The following DOCK1 variants were observed in gnomAD, a reference collection of about 807,000 sequenced individuals.
DOCK1 encodes dedicator of cytokinesis protein 1.
Under a neutral mutation model 262.7 loss-of-function variants are expected in DOCK1, and 138 were observed. That is an observed-to-expected ratio of 0.53 (90% CI 0.46 to 0.61). DOCK1 has a LOEUF of 0.61. Ranked by LOEUF, DOCK1 falls within the 20% of genes least tolerant of loss-of-function variation. The pLI is 0.00. For missense variants in DOCK1, 1,908 were observed against 2,370.7 expected, an observed-to-expected ratio of 0.80 and a Z score of 4.05; for synonymous variants, 866 against 867.4, an observed-to-expected ratio of 1.00 and a Z score of 0.03.
intron 29 of DOCK1, among the ~76,000 whole-genome samples, chr10:127,317,251 C>T (rs977595538): frequency 3.3e-5 from 5 of 152,326 alleles, no homozygotes; most frequent in African/African-American, 1.2e-4. Context: ...CAGCCCTGGC[C>T]TTTTCGAGTC....
At position 126,905,512 on chromosome 10, in the gene DOCK1, G is replaced by T; in HGVS notation, c.-6G>T. 1 of 536,704 alleles carries T rather than the reference G, an allele frequency of 1.9e-6. No homozygotes were observed. The highest frequency in any genetic ancestry group is 3.6e-5 in the East Asian group (1 of 28,086). 33.2% of individuals were successfully genotyped at this position (536,704 alleles called of 1,614,324 possible). A position where few individuals can be genotyped will look rare whatever the true frequency, so the allele number is the denominator to read the frequency against. ...CTGCCCGACCCGCGGCGGCTCCGGC[G>T]GCGCCATGACGCGCTGGGTGCCCAC... On this transcript the variant is annotated 5_prime_UTR_variant, in exon 1 of 52. Coordinates refer to ENST00000623213, the MANE Select transcript of DOCK1 (RefSeq NM_001290223.2).
chr10:127,452,328 A>ACAT lies in DOCK1; in HGVS notation c.*901_*902insCAT, dbSNP rs397789820. 2.0e-4 allele frequency: 30 copies of ACAT among 147,634 alleles called. No homozygotes were observed. Among genetic ancestry groups the ACAT allele is most frequent in the African/African-American group, 4.7e-4 (19 of 40,370 alleles). The allele number at this position is 147,634 out of a possible 1,614,324, so 9.1% of individuals were successfully genotyped here. ...AAAACACACACACACACACACACAC[A>ACAT]TTTTTTTTTTGAGAACTCCAAAGTC... On this transcript the variant is annotated 3_prime_UTR_variant, in exon 52 of 52. Transcript: ENST00000623213.
Position 127,257,340 on chromosome 10 carries a change from C to A in DOCK1, c.2955C>A (p.Phe985Leu). 1 of 1,590,220 alleles carries A rather than the reference C, an allele frequency of 6.3e-7. No individual in the cohort carries two copies. The stretch of plus-strand genomic sequence containing the variant: ...GTTTTGTTTTTTTATTTCAGGATTT[C>A]CTAATGGAAACATTCATCATGTTTA... Reference protein sequence around the residue: ...FGKMRTDVVDFLMETFIMFKN... With the variant: ...FGKMRTDVVDLLMETFIMFKN... The change falls in exon 29 of 52, where the codon TTC (phenylalanine) becomes TTA (leucine). Residue 985 changes from phenylalanine (F) to leucine (L), a missense_variant. By Grantham distance (22) the Phe-to-Leu change is conservative. Transcript: ENST00000623213.
intron 27 of DOCK1, among the ~76,000 whole-genome samples, chr10:127,169,099 C>CT (rs2054335648): frequency 6.6e-6 from 1 of 152,152 alleles, no homozygotes; most frequent in Admixed American, 6.5e-5. Context: ...TCTGTGATGG[C>CT]TTTTTATTTC....
chr10:127,451,779 A>C lies in DOCK1; in HGVS notation c.*352A>C. The C allele has an allele frequency of 3.2e-6, 1 of 311,380 alleles. No homozygotes were observed. Among genetic ancestry groups the C allele is most frequent in the Non-Finnish European group, 6.1e-6 (1 of 163,242 alleles). 19.3% of individuals were successfully genotyped at this position (311,380 alleles called of 1,614,324 possible). A position where few individuals can be genotyped will look rare whatever the true frequency, so the allele number is the denominator to read the frequency against. On this transcript the variant is annotated 3_prime_UTR_variant, in exon 52 of 52. Coordinates refer to ENST00000623213, the MANE Select transcript of DOCK1 (RefSeq NM_001290223.2). Reference sequence around the variant, plus strand: ...CAAAGAGCTCAATTGCTCTGAGCTCAGCCAAGTAGGAGAGGCTAGGCCATC... The same window carrying C: ...CAAAGAGCTCAATTGCTCTGAGCTCCGCCAAGTAGGAGAGGCTAGGCCATC...
At chr10:127,243,432 C>G (rs2059330454) in intron 27 of DOCK1, among the ~76,000 whole-genome samples, 2 of 152,146 alleles carry the variant, frequency 1.3e-5, no homozygotes, top group South Asian at 4.1e-4. Flanking sequence ...TGCTGTTTTC[C>G]TTCTACTGAG....
chr10:127,000,524 A>G, intron 10 of DOCK1: 2 of 635,226 alleles, frequency 3.1e-6, no homozygotes, highest in South Asian at 2.6e-5. Context: ...TATAAATCAT[A>G]TATTTGGTTT....
At chr10:127,442,293 G>T (rs569023048) in intron 49 of DOCK1, among the ~76,000 whole-genome samples, 10 of 152,228 alleles carry the variant, frequency 6.6e-5, no homozygotes, top group African/African-American at 2.2e-4. Context: ...AAGCCTATGT[G>T]CTCTGTTGCT....
chr10:127,115,345 G>A (rs2049118334), intron 25 of DOCK1, among the ~76,000 whole-genome samples: 3 of 152,170 alleles, frequency 2.0e-5, no homozygotes, highest in Admixed American at 2.0e-4. Flanking sequence ...GGCTGTGATG[G>A]CTTTAAGCTT....
chr10:127,035,129 G>T (rs996382028), intron 18 of DOCK1, among the ~76,000 whole-genome samples: 3 of 152,206 alleles, frequency 2.0e-5, no homozygotes, highest in Non-Finnish European at 4.4e-5. Context: ...CATGTCAGGT[G>T]TGTACAAGAT....
intron 27 of DOCK1, among the ~76,000 whole-genome samples, chr10:127,152,978 A>C (rs941299961): frequency 6.6e-6 from 1 of 152,182 alleles, no homozygotes; most frequent in Non-Finnish European, 1.5e-5. Flanking sequence ...GTGTAGCCTC[A>C]AGCCTCTTTG....
At position 127,210,254 on chromosome 10, in the gene DOCK1, C is replaced by T. The variant is rs752191717; in HGVS notation, c.2848-37754C>T. 3.0e-4 allele frequency among the ~76,000 whole-genome samples: 46 copies of T among 152,324 alleles called. 2 individuals are homozygous for T. The highest frequency in any genetic ancestry group is 3.4e-3 in the Middle Eastern group (1 of 294). On this transcript the variant is annotated intron_variant, in intron 27 of 51. Coordinates refer to ENST00000623213, the MANE Select transcript of DOCK1 (RefSeq NM_001290223.2). ...TGCCATCAGCATGCGCTCTGGACTT[C>T]GGCGGTGCCACATAAGGTGGCCCCA... is the stretch of plus-strand genomic sequence containing the variant.
At chr10:127,186,821 G>T (rs2056317650) in intron 27 of DOCK1, among the ~76,000 whole-genome samples, 1 of 152,036 alleles carries the variant, frequency 6.6e-6, no homozygotes, top group African/African-American at 2.4e-5. Context: ...GAGGTTGTTA[G>T]GGGAACGGTG....
chr10:127,018,983 G>A (rs2042210480), intron 13 of DOCK1, 148 bp downstream of exon 13: 2 of 1,214,974 alleles, frequency 1.6e-6, no homozygotes, highest in South Asian at 3.2e-5. Context: ...GCATGGTTAT[G>A]GATCATGGGG....
intron 16 of DOCK1, among the ~76,000 whole-genome samples, chr10:127,027,868 C>CAGAT (rs1228506278): frequency 2.0e-5 from 3 of 151,990 alleles, no homozygotes; most frequent in African/African-American, 7.3e-5. Context: ...TTATGGTGTG[C>CAGAT]AGATCATCGA....
In DOCK1 at chr10:127,252,580, G is replaced by A. The variant is rs1413576652; in HGVS notation, c.2949+4471G>A. On this transcript the variant is annotated intron_variant, in intron 28 of 51. Coordinates refer to ENST00000623213, the MANE Select transcript of DOCK1 (RefSeq NM_001290223.2). ...ATTTTTGTATAAGGTGTAAGGAAGG[G>A]TTCCAGTTTCAGCTTTCTACATATG... Among the ~76,000 whole-genome samples, 13 of 150,058 alleles carry A rather than the reference G, an allele frequency of 8.7e-5. No homozygotes were observed. In the Admixed American group the frequency reaches 8.7e-4, roughly 10 times the overall value.
At chr10:127,179,370 G>T (rs145099008) in intron 27 of DOCK1, among the ~76,000 whole-genome samples, 217 of 152,268 alleles carry the variant, frequency 1.4e-3, no homozygotes, top group Non-Finnish European at 9.7e-4. Context: ...TTCGTTGTTA[G>T]TAAAAAAATG....
chr10:127,115,046 C>T (rs1344953800), intron 25 of DOCK1, among the ~76,000 whole-genome samples: 1 of 152,172 alleles, frequency 6.6e-6, no homozygotes, highest in African/African-American at 2.4e-5. Context: ...TGAGCCACCG[C>T]GCCCGGCCAG....
chr10:127,032,756 T>C (rs1349821141), intron 18 of DOCK1, among the ~76,000 whole-genome samples: 1 of 152,130 alleles, frequency 6.6e-6, no homozygotes, highest in Admixed American at 6.5e-5. Flanking sequence ...GAGGTCTCAC[T>C]TTATTGCCCA....
Sources: allele counts gnomAD v4.1 joint callset (sites outside exome capture counted in the v4.1 genomes callset), GRCh38; gene constraint gnomAD v4.1.1; transcripts MANE v1.5; gene names NCBI Gene and HGNC (gene_info 2026-07-23, HGNC 2026-07-21).